Variants in MACROD2 observed in about 807,000 individuals in gnomAD.
The protein encoded by MACROD2 is ADP-ribose glycohydrolase MACROD2.
Under a neutral mutation model 70.4 loss-of-function variants are expected in MACROD2, and 36 were observed. That is an observed-to-expected ratio of 0.51 (90% CI 0.39 to 0.68). The LOEUF (loss-of-function observed/expected upper bound fraction) is 0.68. Ranked by LOEUF, MACROD2 falls within the 30% of genes least tolerant of loss-of-function variation. MACROD2 has a pLI of 0.00. For synonymous variants in MACROD2, 172 were observed against 178.8 expected, an observed-to-expected ratio of 0.96 and a Z score of 0.30; for missense variants, 496 against 538.4, an observed-to-expected ratio of 0.92 and a Z score of 0.78.
At chr20:15,409,060 A>G (rs1248939217) in intron 6 of MACROD2, among the ~76,000 whole-genome samples, 1 of 152,198 alleles carries the variant, frequency 6.6e-6, no homozygotes, top group African/African-American at 2.4e-5. Context: ...TAAGAAAATT[A>G]AATTACTATT....
chr20:15,388,977 G>A (rs946344094), intron 6 of MACROD2, among the ~76,000 whole-genome samples: 1 of 150,404 alleles, frequency 6.6e-6, no homozygotes, highest in Non-Finnish European at 1.5e-5. Context: ...GGAGGAAGTG[G>A]CCAACAGGGT....
chr20:14,515,454 T>TACACACACACACAC (rs771413463), intron 4 of MACROD2, among the ~76,000 whole-genome samples: 1 of 115,360 alleles, frequency 8.7e-6, no homozygotes, highest in Non-Finnish European at 1.8e-5. Flanking sequence ...ATATGTGAGA[T>TACACACACACACAC]ACACACACAC....
At chr20:15,294,139 AAAT>A (rs1307864061) in intron 6 of MACROD2, among the ~76,000 whole-genome samples, 1 of 151,614 alleles carries the variant, frequency 6.6e-6, no homozygotes, top group Non-Finnish European at 1.5e-5. Context: ...AAAAAAAAAA[AAAT>A]TCAGGAGTTT....
At chr20:15,478,726 G>A (rs1306789319) in intron 7 of MACROD2, among the ~76,000 whole-genome samples, 1 of 152,160 alleles carries the variant, frequency 6.6e-6, no homozygotes, top group Non-Finnish European at 1.5e-5. Context: ...GTAAATAAGG[G>A]AGTTGGCTAT....
At chr20:14,323,249 G>A (rs1187282751) in intron 3 of MACROD2, 2 of 152,128 alleles carry the variant, frequency 1.3e-5, no homozygotes, top group African/African-American at 4.8e-5. Flanking sequence ...GGTTTCCCAG[G>A]ATCCCCTTTT....
At chr20:14,427,688 A>T (rs1262953904) in intron 3 of MACROD2, among the ~76,000 whole-genome samples, 2 of 151,972 alleles carry the variant, frequency 1.3e-5, no homozygotes, top group African/African-American at 4.8e-5. Flanking sequence ...ATAATGAATG[A>T]TTTCTCTTTT....
chr20:14,251,463 C>T (rs987124070), intron 3 of MACROD2, among the ~76,000 whole-genome samples: 1 of 152,036 alleles, frequency 6.6e-6, no homozygotes, highest in Non-Finnish European at 1.5e-5. Context: ...GAACACACCA[C>T]ACTTTCAGAT....
chr20:15,794,468 T>C (rs1277954994), intron 8 of MACROD2, among the ~76,000 whole-genome samples: 1 of 152,184 alleles, frequency 6.6e-6, no homozygotes, highest in Non-Finnish European at 1.5e-5. Flanking sequence ...CACTAGACCG[T>C]GTCGGCAGCA....
chr20:15,494,402 AGTG>A (rs1459912534), intron 7 of MACROD2, among the ~76,000 whole-genome samples: 1 of 152,084 alleles, frequency 6.6e-6, no homozygotes, highest in Non-Finnish European at 1.5e-5. Context: ...TATTCATATT[AGTG>A]TCAAACTGGG....
intron 4 of MACROD2, among the ~76,000 whole-genome samples, chr20:14,591,674 C>T (rs776674389): frequency 5.9e-5 from 9 of 152,118 alleles, no homozygotes; most frequent in Admixed American, 3.3e-4. Flanking sequence ...TTTGAGGAGA[C>T]GTTTTTATGC....
chr20:14,977,318 T>A (rs920125520), intron 5 of MACROD2, among the ~76,000 whole-genome samples: 5 of 147,658 alleles, frequency 3.4e-5, no homozygotes, highest in Middle Eastern at 3.5e-3. Context: ...TTTTTTTTTT[T>A]AAATCACTGT....
At chr20:14,581,673 A>G (rs1300561113) in intron 4 of MACROD2, among the ~76,000 whole-genome samples, 3 of 152,208 alleles carry the variant, frequency 2.0e-5, no homozygotes, top group Non-Finnish European at 4.4e-5. Flanking sequence ...GCATTTTAAT[A>G]TGAGCATTAG....
chr20:14,948,691 AATCAG>A (rs1329456008), intron 5 of MACROD2, among the ~76,000 whole-genome samples: 1 of 152,134 alleles, frequency 6.6e-6, no homozygotes, highest in East Asian at 1.9e-4. Context: ...AATTACAGAG[AATCAG>A]TGGTGGGGCA....
chr20:15,343,473 T>C (rs2078131754), intron 6 of MACROD2, among the ~76,000 whole-genome samples: 1 of 152,226 alleles, frequency 6.6e-6, no homozygotes, highest in Non-Finnish European at 1.5e-5. Context: ...ATTTATCTAA[T>C]ACTTTGACAG....
At chr20:14,661,268 G>A (rs1310769847) in intron 4 of MACROD2, among the ~76,000 whole-genome samples, 2 of 152,020 alleles carry the variant, frequency 1.3e-5, no homozygotes, top group Non-Finnish European at 2.9e-5. Flanking sequence ...ATCCTATCTC[G>A]TTGTGGTTTT....
intron 8 of MACROD2, among the ~76,000 whole-genome samples, chr20:15,678,450 C>T (rs1217370812): frequency 2.0e-5 from 3 of 151,814 alleles, no homozygotes; most frequent in Non-Finnish European, 4.4e-5. Context: ...AGCTCTGCCT[C>T]CCGGGTTCAC....
intron 3 of MACROD2, among the ~76,000 whole-genome samples, chr20:14,486,301 A>G (rs2084729794): frequency 6.6e-6 from 1 of 152,136 alleles, no homozygotes. Context: ...GCTTACAGGA[A>G]GTGAACCAGG....
intron 8 of MACROD2, among the ~76,000 whole-genome samples, chr20:15,593,870 A>G (rs1600643593): frequency 6.6e-6 from 1 of 152,316 alleles, no homozygotes; most frequent in Non-Finnish European, 1.5e-5. Flanking sequence ...ATCTTTCAGA[A>G]AGGCTGGAGG....
At chr20:15,498,474 G>A (rs546449398) in intron 7 of MACROD2, among the ~76,000 whole-genome samples, 3 of 152,004 alleles carry the variant, frequency 2.0e-5, no homozygotes, top group African/African-American at 4.8e-5. Flanking sequence ...GCCGTATAAG[G>A]AAAAAAAGAG....
Sources: allele counts gnomAD v4.1 joint callset (sites outside exome capture counted in the v4.1 genomes callset), GRCh38; gene constraint gnomAD v4.1.1; transcripts MANE v1.5; gene names NCBI Gene and HGNC (gene_info 2026-07-23, HGNC 2026-07-21).